TSC1: variants seen among roughly 807,000 people sequenced by gnomAD.
The protein encoded by TSC1 is hamartin.
In TSC1, 20 loss-of-function variants were observed where a neutral mutation model predicts 124.3. That is an observed-to-expected ratio of 0.16 (90% CI 0.11 to 0.23). The LOEUF is 0.23. TSC1 is among the 10% of genes least tolerant of loss of function. The pLI is 1.00. For synonymous variants in TSC1, 493 were observed against 539.1 expected, an observed-to-expected ratio of 0.91 and a Z score of 1.19; for missense variants, 1,124 against 1,448.5, an observed-to-expected ratio of 0.78 and a Z score of 3.64.
chr9:132,927,768 G>A (rs925155048), intron 3 of TSC1, among the ~76,000 whole-genome samples: 5 of 151,932 alleles, frequency 3.3e-5, no homozygotes, highest in South Asian at 2.1e-4. Flanking sequence ...CTTGTGATCC[G>A]CCCGCCTCGG....
At chr9:132,928,044 C>A (rs187368616) in intron 3 of TSC1, among the ~76,000 whole-genome samples, 56 of 152,252 alleles carry the variant, frequency 3.7e-4, no homozygotes, top group African/African-American at 1.3e-3. Context: ...GACACAGACA[C>A]AGTTTGTGCA....
chr9:132,936,894 C>T (rs1229181029), intron 1 of TSC1, among the ~76,000 whole-genome samples: 1 of 152,206 alleles, frequency 6.6e-6, no homozygotes, highest in Non-Finnish European at 1.5e-5. Context: ...AAATGTACGA[C>T]CATGGCCAAA....
chr9:132,904,552 G>T, intron 15 of TSC1, 98 bp from the exon 16 acceptor site: 1 of 1,206,066 alleles, frequency 8.3e-7, no homozygotes. Flanking sequence ...ACTTCCTTGT[G>T]GTCAAAATCT....
In TSC1 at chr9:132,906,038, C is replaced by G. The variant is rs2131843529; in HGVS notation, c.1540G>C (p.Gly514Arg). 6.2e-7 allele frequency: 1 copy of G among 1,614,114 alleles called. No individual in the cohort carries two copies. Among genetic ancestry groups the G allele is most frequent in the South Asian group, 1.1e-5 (1 of 91,076 alleles). The change falls in exon 15 of 23, where the codon GGT (glycine) becomes CGT (arginine). Residue 514 changes from glycine (G) to arginine (R), a missense_variant. Gly to Arg is a moderately radical substitution (Grantham distance 125, BLOSUM62 -2). This residue lies in a region of TSC1 where 321 missense variants were observed against 397.4 expected (regional missense o/e 0.81). Coordinates refer to ENST00000298552, the MANE Select transcript of TSC1 (RefSeq NM_000368.5). This position sits in a 1 kb window ranked among gnomAD's most constrained non-coding sequence, Gnocchi z 4.1. ...DSPFYRDSLP[G>R]SQRKTHSAAS... is the part of the protein sequence containing the mutation. ...GCCGAGTGGGTCTTCCGCTGAGAACCTGGGAGACTGTCTCGGTAAAAGGGA... is the reference window on the plus strand; with the variant it reads ...GCCGAGTGGGTCTTCCGCTGAGAACGTGGGAGACTGTCTCGGTAAAAGGGA...
At chr9:132,922,071 C>A in intron 6 of TSC1, 98 bp from the exon 7 acceptor site, 1 of 1,419,698 alleles carries the variant, frequency 7.0e-7, no homozygotes, top group Non-Finnish European at 9.9e-7. Context: ...GACTTTTTAT[C>A]TATGTATATT....
At chr9:132,926,913 G>A in intron 4 of TSC1, 1 of 384,902 alleles carries the variant, frequency 2.6e-6, no homozygotes. Context: ...GTGACCTCAG[G>A]CAATCCACCC....
In TSC1 at chr9:132,944,531, C is replaced by T. The variant is rs2132537008; in HGVS notation, c.-144+12G>A. On this transcript the variant is annotated intron_variant, in intron 1 of 22. Coordinates refer to ENST00000298552, the MANE Select transcript of TSC1 (RefSeq NM_000368.5). Reference sequence around the variant, plus strand: ...CCCCATAAAAAGGAGGGGGAGACACCCCCATACTCACCCACCGTCTCCTCC... The same window carrying T: ...CCCCATAAAAAGGAGGGGGAGACACTCCCATACTCACCCACCGTCTCCTCC... The T allele has an allele frequency of 2.5e-6, 1 of 398,672 alleles. No homozygotes were observed. The highest frequency in any genetic ancestry group is 1.3e-4 in the South Asian group (1 of 7,854). 24.7% of individuals were successfully genotyped at this position (398,672 alleles called of 1,614,324 possible).
At position 132,906,672 on chromosome 9, in the gene TSC1, G is replaced by C; in HGVS notation, c.1438+59C>G. On this transcript the variant is annotated intron_variant, in intron 14 of 22. Coordinates refer to ENST00000298552, the MANE Select transcript of TSC1 (RefSeq NM_000368.5). The surrounding 1 kb of genome is among the most constrained non-coding windows in gnomAD (Gnocchi z 4.1). ...CTGTGAGCAATGGCACAAAATCCCA[G>C]ATTTATAGCAGAGCGAGGGTCAGGT... 6.9e-7 allele frequency: 1 copy of C among 1,452,620 alleles called. No homozygotes were observed. Among genetic ancestry groups the C allele is most frequent in the South Asian group, 1.2e-5 (1 of 83,124 alleles). 90.0% of individuals were successfully genotyped at this position (1,452,620 alleles called of 1,614,324 possible).
chr9:132,902,518 A>G lies in TSC1; in HGVS notation c.2391+87T>C, dbSNP rs1845434932. ...TCAGCTTAGTAAAGCTGAACAAGTC[A>G]AGGACACCCAGGGAAACTGACTGCC... On this transcript the variant is annotated intron_variant, in intron 18 of 22. Coordinates refer to ENST00000298552, the MANE Select transcript of TSC1 (RefSeq NM_000368.5). This position sits in a 1 kb window ranked among gnomAD's most constrained non-coding sequence, Gnocchi z 5.2. 6.6e-7 allele frequency: 1 copy of G among 1,512,722 alleles called. No individual in the cohort carries two copies. Among genetic ancestry groups the G allele is most frequent in the East Asian group, 2.3e-5 (1 of 44,384 alleles). 93.7% of individuals were successfully genotyped at this position (1,512,722 alleles called of 1,614,324 possible).
At position 132,896,558 on chromosome 9, in the gene TSC1, G is replaced by T. The variant is rs112066743; in HGVS notation, c.3172C>A (p.Pro1058Thr). The change falls in exon 23 of 23, where the codon CCA (proline) becomes ACA (threonine). Residue 1058 changes from proline (P) to threonine (T), a missense_variant. Pro to Thr is a conservative substitution (Grantham distance 38). This residue lies in a region of TSC1 where 325 missense variants were observed against 383.4 expected (regional missense o/e 0.85). Coordinates refer to ENST00000298552, the MANE Select transcript of TSC1 (RefSeq NM_000368.5). The surrounding 1 kb of genome is among the most constrained non-coding windows in gnomAD (Gnocchi z 4.5). ...GTCGTCTCCCACCGACTGCTGAATG[G>T]GCCTGCCCTCTGGTGTGGGGGTTTC... ...PEKPPHQRAG[P>T]FSSRWETTMG... 8.7e-6 allele frequency: 14 copies of T among 1,614,070 alleles called. No individual in the cohort carries two copies. The highest frequency in any genetic ancestry group is 1.2e-5 in the Non-Finnish European group (14 of 1,180,046).
At chr9:132,937,160 C>T (rs1250805694) in intron 1 of TSC1, among the ~76,000 whole-genome samples, 1 of 152,214 alleles carries the variant, frequency 6.6e-6, no homozygotes, top group African/African-American at 2.4e-5. Flanking sequence ...TGCAGGAGCC[C>T]AGGCCAGGTG....
At chr9:132,939,826 C>T (rs1421215344) in intron 1 of TSC1, among the ~76,000 whole-genome samples, 3 of 152,100 alleles carry the variant, frequency 2.0e-5, no homozygotes, top group Non-Finnish European at 2.9e-5. Context: ...GTGGTCCTGG[C>T]ACCACGAGCA....
chr9:132,913,890 TG>T (rs1385129737), intron 8 of TSC1, among the ~76,000 whole-genome samples: 41 of 94,384 alleles, frequency 4.3e-4, no homozygotes, highest in South Asian at 2.9e-3. Context: ...TGTTTTGTTT[TG>T]TTTTTTTTTT....
intron 12 of TSC1, among the ~76,000 whole-genome samples, 177 bp from the exon 13 acceptor site, chr9:132,907,547 T>C (rs1394574172): frequency 1.4e-5 from 2 of 148,032 alleles, no homozygotes; most frequent in African/African-American, 5.1e-5. Flanking sequence ...TGGAGTGCAA[T>C]GGCACAATCT....
chr9:132,906,367 G>C lies in TSC1; in HGVS notation c.1439-228C>G. ...TAGAGACCAGCCTGGACAACATAGG[G>C]AGATCCCATCTCTACAAAAAATACA... is the stretch of plus-strand genomic sequence containing the variant. On this transcript the variant is annotated intron_variant, in intron 14 of 22. Transcript: ENST00000298552. The surrounding 1 kb of genome is among the most constrained non-coding windows in gnomAD (Gnocchi z 4.1). 2 of 601,538 alleles carry C rather than the reference G, an allele frequency of 3.3e-6. No individual in the cohort carries two copies. The highest frequency in any genetic ancestry group is 5.9e-6 in the Non-Finnish European group (2 of 338,540). The allele number at this position is 601,538 out of a possible 1,614,324, so 37.3% of individuals were successfully genotyped here. A position where few individuals can be genotyped will look rare whatever the true frequency, so the allele number is the denominator to read the frequency against.
chr9:132,905,822 A>G lies in TSC1; in HGVS notation c.1756T>C (p.Cys586Arg), dbSNP rs760356610. ...LETSIFTPSP[C>R]KIPPPTRVGF... ...ACTCTCGTCGGAGGTGGAATTTTAC[A>G]AGGACTGGGAGTGAAGATACTGGTC... The change falls in exon 15 of 23, where the codon TGT becomes CGT. Residue 586 changes from cysteine (C) to arginine (R), a missense_variant. Cys to Arg is a radical substitution (Grantham distance 180). Around this residue, in one of 5 missense-constraint regions of TSC1, gnomAD observed 321 missense variants for 397.4 expected, o/e 0.81. Coordinates refer to ENST00000298552, the MANE Select transcript of TSC1 (RefSeq NM_000368.5). 5 of 1,614,232 alleles carry G rather than the reference A, an allele frequency of 3.1e-6. No individual in the cohort carries two copies. The highest frequency in any genetic ancestry group is 3.4e-6 in the Non-Finnish European group (4 of 1,180,036).
At chr9:132,920,652 T>C (rs1846501476) in intron 8 of TSC1, among the ~76,000 whole-genome samples, 1 of 151,968 alleles carries the variant, frequency 6.6e-6, no homozygotes, top group African/African-American at 2.4e-5. Context: ...GATCCCTAAG[T>C]GTCAGTATCC....
chr9:132,913,156 T>A (rs1381447678), intron 8 of TSC1, among the ~76,000 whole-genome samples: 1 of 152,072 alleles, frequency 6.6e-6, no homozygotes, highest in Non-Finnish European at 1.5e-5. Context: ...GGTCTCGAAC[T>A]TACTGGCCTC....
chr9:132,931,245 T>C (rs1847186670), intron 2 of TSC1: 2 of 152,218 alleles, frequency 1.3e-5, no homozygotes, highest in Admixed American at 6.5e-5. Context: ...GTTTGCCTTC[T>C]GTGTAGTCAG....
Sources: gnomAD v4.1 joint callset for allele counts (sites outside exome capture counted in the v4.1 genomes callset) on GRCh38, gnomAD v4.1.1 for gene constraint, gnomAD v4.1.1 regional missense constraint, Gnocchi (gnomAD v3.1) non-coding constraint, MANE v1.5 for transcripts, NCBI Gene and HGNC (gene_info 2026-07-23, HGNC 2026-07-21) for gene names.